The following PTBP3 variants were observed in gnomAD, a reference collection of about 807,000 sequenced individuals.
PTBP3 encodes the protein polypyrimidine tract-binding protein 3.
PTBP3 carries 20 observed loss-of-function variants against 58.7 expected under a neutral mutation model. That is an observed-to-expected ratio of 0.34 (90% CI 0.24 to 0.50). The LOEUF (loss-of-function observed/expected upper bound fraction) is 0.50, where lower values mean the gene tolerates loss of function less well. Among genes scored for constraint, PTBP3 ranks in the 20% least tolerant of loss-of-function variants. The pLI is 0.98. For synonymous variants in PTBP3, 185 were observed against 219.8 expected (o/e 0.84, Z 1.40); for missense variants, 509 against 637.2 (o/e 0.80, Z 2.17).
upstream of PTBP3, among the ~76,000 whole-genome samples, chr9:112,338,315 T>C (rs1413015306): frequency 2.0e-5 from 3 of 151,954 alleles, no homozygotes; most frequent in Non-Finnish European, 1.5e-5. Flanking sequence ...GATAAACACA[T>C]GCATGAAAAA....
At chr9:112,298,456 A>G in intron 1 of PTBP3, 1 of 416,750 alleles carries the variant, frequency 2.4e-6, no homozygotes. Context: ...TTCAGGTAAG[A>G]GTTTTGATCA....
chr9:112,284,850 TAC>T (rs201784784), intron 2 of PTBP3, among the ~76,000 whole-genome samples: 127,719 of 152,008 alleles, frequency 0.84, 53,949 homozygotes, highest in African/African-American at 0.92. Context: ...CCAATGCCTG[TAC>T]CCCCGTTGTA....
At chr9:112,332,990 G>A (rs937495885) in intron 1 of PTBP3, 7 of 1,310,440 alleles carry the variant, frequency 5.3e-6, no homozygotes, top group Admixed American at 7.7e-5. Context: ...GACGTGTACC[G>A]ACGCGTGCAC....
At chr9:112,228,865 G>T (rs1835094459) in intron 10 of PTBP3, among the ~76,000 whole-genome samples, 1 of 152,060 alleles carries the variant, frequency 6.6e-6, no homozygotes, top group Non-Finnish European at 1.5e-5. Context: ...TGATTCTATG[G>T]TCTAAATATC....
chr9:112,284,996 G>A (rs1261543722), intron 2 of PTBP3, among the ~76,000 whole-genome samples: 5 of 151,856 alleles, frequency 3.3e-5, no homozygotes. Context: ...GGGATTGTTG[G>A]GAGGCATGAT....
chr9:112,336,001 G>T (rs1185382646), upstream of PTBP3, among the ~76,000 whole-genome samples: 2 of 151,904 alleles, frequency 1.3e-5, no homozygotes, highest in African/African-American at 4.8e-5. Context: ...AGCCTCTGGA[G>T]TAGCTGGGAT....
the PTBP3 span, among the ~76,000 whole-genome samples, chr9:112,359,103 G>A: frequency 0.15 from 23,373 of 152,038 alleles, 2,227 homozygotes; most frequent in East Asian, 0.24. Context: ...TCAAAGTGCT[G>A]GGATTACAGG....
intron 1 of PTBP3, among the ~76,000 whole-genome samples, chr9:112,313,834 TA>T (rs1443896628): frequency 6.6e-6 from 1 of 152,030 alleles, no homozygotes; most frequent in East Asian, 1.9e-4. Context: ...ATAGATAGAT[TA>T]AAAGAAAAGG....
intron 5 of PTBP3, among the ~76,000 whole-genome samples, chr9:112,255,942 C>A (rs1451369128): frequency 6.6e-6 from 1 of 152,042 alleles, no homozygotes; most frequent in Admixed American, 6.6e-5. Flanking sequence ...TGAGTTGTAT[C>A]TATTTCTTGG....
At chr9:112,313,915 C>G (rs1323982821) in intron 1 of PTBP3, among the ~76,000 whole-genome samples, 1 of 151,972 alleles carries the variant, frequency 6.6e-6, no homozygotes, top group Non-Finnish European at 1.5e-5. Context: ...AACCAACTGA[C>G]GACGGAAAAC....
intron 1 of PTBP3, among the ~76,000 whole-genome samples, chr9:112,312,502 A>ATTTTTT (rs1417898521): frequency 5.4e-5 from 5 of 92,192 alleles, no homozygotes; most frequent in South Asian, 3.7e-4. Context: ...TTTTTTTTTA[A>ATTTTTT]AAAAAAAAAA....
rs1468084779 is a variant in PTBP3, at chr9:112,220,854, TGAC to T, written c.*2994_*2996del. The T allele has an allele frequency of 5.0e-5, 48 of 968,362 alleles. 1 individual carries two copies. The highest frequency in any genetic ancestry group is 5.3e-4 in the Middle Eastern group (1 of 1,900). The allele number at this position is 968,362 out of a possible 1,614,324, so 60.0% of individuals were successfully genotyped here. On this transcript the variant is annotated 3_prime_UTR_variant, in exon 14 of 14. Coordinates refer to ENST00000374257, the MANE Select transcript of PTBP3 (RefSeq NM_001163788.4). ...GAAGTCAAGACACCTTGAAAAGTGA[TGAC>T]AATACTCCTTAAAAATAAAATAAAC... is the stretch of plus-strand genomic sequence containing the variant.
chr9:112,240,154 G>A (rs568044919), intron 7 of PTBP3, among the ~76,000 whole-genome samples: 2 of 152,286 alleles, frequency 1.3e-5, no homozygotes, highest in African/African-American at 2.4e-5. Flanking sequence ...GTAATCCAAT[G>A]TAAAGATGGG....
rs1456991745 is a variant in PTBP3 at position 112,262,637 on chromosome 9, A to G, written c.352-38T>C. ...CCAAAATGAGAACTTTTGATTATAC[A>G]GACGCATTATATGAATCCTAAAATT... is the stretch of plus-strand genomic sequence containing the variant. On this transcript the variant is annotated intron_variant, in intron 4 of 13. Transcript: ENST00000374257. The G allele has an allele frequency of 3.3e-6, 5 of 1,514,278 alleles. No individual in the cohort carries two copies. In the African/African-American group the frequency reaches 5.7e-5, roughly 17 times the overall value. The allele number at this position is 1,514,278 out of a possible 1,614,324, so 93.8% of individuals were successfully genotyped here. A position where few individuals can be genotyped will look rare whatever the true frequency, so the allele number is the denominator to read the frequency against.
At chr9:112,261,553 T>C (rs1379899889) in intron 5 of PTBP3, among the ~76,000 whole-genome samples, 1 of 152,170 alleles carries the variant, frequency 6.6e-6, no homozygotes, top group Non-Finnish European at 1.5e-5. Context: ...CTCTGTCAAA[T>C]GAAAATAAGC....
the PTBP3 span, among the ~76,000 whole-genome samples, chr9:112,373,976 C>T: frequency 6.0e-4 from 92 of 152,166 alleles, no homozygotes; most frequent in African/African-American, 2.1e-3. Flanking sequence ...CTCAGCAGGT[C>T]GTGGTTTTTT....
chr9:112,339,534 T>C, the PTBP3 span, among the ~76,000 whole-genome samples: 3 of 151,766 alleles, frequency 2.0e-5, no homozygotes, highest in Non-Finnish European at 4.4e-5. Flanking sequence ...TACCTTTATT[T>C]ACTTGCCATT....
chr9:112,222,771 C>T lies in PTBP3; in HGVS notation c.*1080G>A, dbSNP rs1225225996. On this transcript the variant is annotated 3_prime_UTR_variant, in exon 14 of 14. Transcript: ENST00000374257. ...CAAGATATTTAGATTAAACTCTAAC[C>T]TATTGTATCTTAAGCACATAATAAG... 1.1e-6 allele frequency: 1 copy of T among 949,398 alleles called. No individual in the cohort carries two copies. The highest frequency in any genetic ancestry group is 1.8e-5 in the African/African-American group (1 of 56,330). 58.8% of individuals were successfully genotyped at this position (949,398 alleles called of 1,614,324 possible). A position where few individuals can be genotyped will look rare whatever the true frequency, so the allele number is the denominator to read the frequency against.
Position 112,224,126 on chromosome 9 carries a change from G to C in PTBP3, c.1442+7C>G, listed in dbSNP as rs1260549852. On this transcript the variant is annotated splice_region_variant and intron_variant, in intron 13 of 13. Coordinates refer to ENST00000374257, the MANE Select transcript of PTBP3 (RefSeq NM_001163788.4). ...TTTTAATGTATTTCTTGAAAGCAAA[G>C]ACTTACTGAAAGAATTTAAAAGCCT... The C allele has an allele frequency of 1.3e-6, 2 of 1,574,576 alleles. No individual in the cohort carries two copies. The highest frequency in any genetic ancestry group is 1.7e-6 in the Non-Finnish European group (2 of 1,158,572).
Sources: gnomAD v4.1 joint callset for allele counts (sites outside exome capture counted in the v4.1 genomes callset) on GRCh38, gnomAD v4.1.1 for gene constraint, MANE v1.5 for transcripts, NCBI Gene and HGNC (gene_info 2026-07-23, HGNC 2026-07-21) for gene names.